The following KL variants were observed in gnomAD, a reference collection of about 807,000 sequenced individuals.
KL encodes klotho, also known as alpha-klotho.
In KL, 62 loss-of-function variants were observed where a neutral mutation model predicts 84.2. The ratio of observed to expected loss-of-function variants is 0.74; its 90% CI spans 0.60 to 0.91. KL has a LOEUF of 0.91. Ranked by LOEUF, KL falls within the 40% of genes least tolerant of loss-of-function variation. KL has a pLI of 0.00. For synonymous variants in KL, 528 were observed against 528.0 expected (o/e 1.00, Z 0.00); for missense variants, 1,261 against 1,305.7 (o/e 0.97, Z 0.53).
chr13:33,025,542 T>C (rs1870742269), intron 1 of KL, among the ~76,000 whole-genome samples: 1 of 152,134 alleles, frequency 6.6e-6, no homozygotes, highest in Non-Finnish European at 1.5e-5. Flanking sequence ...AGTGTGGCCA[T>C]TCCCACCACA....
At position 33,022,569 on chromosome 13, in the gene KL, C is replaced by A. The variant is rs143835049; in HGVS notation, c.819+5310C>A. Among the ~76,000 whole-genome samples the A allele has an allele frequency of 4.1e-3, 630 of 152,280 alleles. 6 individuals carry two copies. Among genetic ancestry groups the A allele is most frequent in the African/African-American group, 0.015 (605 of 41,562 alleles). On this transcript the variant is annotated intron_variant, in intron 1 of 4. Coordinates refer to ENST00000380099, the MANE Select transcript of KL (RefSeq NM_004795.4). The stretch of plus-strand genomic sequence containing the variant: ...ATAAGCAGAATGTGACTTTTATATG[C>A]TCTATTTTGATGTATTCTGAGTATG...
chr13:33,061,665 G>A lies in KL; in HGVS notation c.2586G>A (p.Lys862=), dbSNP rs1872209703. The A allele has an allele frequency of 1.9e-6, 3 of 1,614,060 alleles. No individual in the cohort carries two copies. The highest frequency in any genetic ancestry group is 2.2e-5 in the East Asian group (1 of 44,900). ...AAGTGCTGAACTGGCTGAAGTTCAA[G>A]TACGGAGACCTCCCCATGTACATAA... ...LRKVLNWLKF[K]YGDLPMYIIS... is the part of the protein sequence containing the mutation. Residue 862 remains lysine, a synonymous_variant, in exon 4 of 5, where the codon AAG becomes AAA. Coordinates refer to ENST00000380099, the MANE Select transcript of KL (RefSeq NM_004795.4).
At chr13:33,058,477 G>A (rs1276025215) in intron 3 of KL, among the ~76,000 whole-genome samples, 4 of 151,696 alleles carry the variant, frequency 2.6e-5, no homozygotes, top group South Asian at 2.1e-4. Context: ...AGTAGCTGGG[G>A]CTACAGGTGC....
intron 2 of KL, among the ~76,000 whole-genome samples, chr13:33,054,674 A>T (rs1432364909): frequency 6.6e-6 from 1 of 152,246 alleles, no homozygotes; most frequent in African/African-American, 2.4e-5. Context: ...AGAAAATAGT[A>T]TAAATAGATC....
chr13:33,060,909 G>A lies in KL; in HGVS notation c.1830G>A (p.Gln610=), dbSNP rs188551232. 4 of 1,614,162 alleles carry A rather than the reference G, an allele frequency of 2.5e-6. No individual in the cohort carries two copies. In the African/African-American group the frequency reaches 4.0e-5, roughly 16 times the overall value. Residue 610 remains glutamine, a synonymous_variant, in exon 4 of 5, where the codon CAG becomes CAA. Coordinates refer to ENST00000380099, the MANE Select transcript of KL (RefSeq NM_004795.4). Reference sequence around the variant, plus strand: ...TTCTCCCTCTGGGTAACCAGTCCCAGGTGAACCACACCATCCTGCAGTACT... The same window carrying A: ...TTCTCCCTCTGGGTAACCAGTCCCAAGTGAACCACACCATCCTGCAGTACT... ...ALILPLGNQS[Q]VNHTILQYYR...
In KL at chr13:33,032,261, A is replaced by G. The variant is rs182692511; in HGVS notation, c.819+15002A>G. ...CACTAACCCAGATACATCTGTTCCCATTACTATTTCTGCGTAATTCCCCCA... is the reference window on the plus strand; with the variant it reads ...CACTAACCCAGATACATCTGTTCCCGTTACTATTTCTGCGTAATTCCCCCA... On this transcript the variant is annotated intron_variant, in intron 1 of 4. Transcript: ENST00000380099. Among the ~76,000 whole-genome samples the G allele has an allele frequency of 2.2e-3, 331 of 152,314 alleles. 1 individual carries two copies. The highest frequency in any genetic ancestry group is 7.2e-3 in the African/African-American group (300 of 41,566).
intron 1 of KL, among the ~76,000 whole-genome samples, chr13:33,019,717 G>GTGTGTA (rs1186499623): frequency 8.5e-6 from 1 of 118,006 alleles, no homozygotes; most frequent in Non-Finnish European, 1.8e-5. Flanking sequence ...TGGTGTGTGT[G>GTGTGTA]TGTGTGTGTG....
At chr13:33,036,441 A>G (rs1460827460) in intron 1 of KL, among the ~76,000 whole-genome samples, 2 of 151,568 alleles carry the variant, frequency 1.3e-5, no homozygotes, top group African/African-American at 4.8e-5. Context: ...ACACACAGAC[A>G]TACACACATG....
At chr13:33,036,820 T>G (rs1871159647) in intron 1 of KL, among the ~76,000 whole-genome samples, 1 of 152,188 alleles carries the variant, frequency 6.6e-6, no homozygotes, top group Admixed American at 6.6e-5. Context: ...GAGTAAATTT[T>G]AAGTTGTGTA....
At chr13:33,063,526 A>G (rs1354031337) in intron 4 of KL, among the ~76,000 whole-genome samples, 1 of 152,078 alleles carries the variant, frequency 6.6e-6, no homozygotes, top group African/African-American at 2.4e-5. Flanking sequence ...TAATCCCAGC[A>G]CTTTGGGAGG....
At chr13:33,062,446 G>A (rs1287114966) in intron 4 of KL, among the ~76,000 whole-genome samples, 4 of 151,328 alleles carry the variant, frequency 2.6e-5, no homozygotes. Flanking sequence ...GCTGAGGCAG[G>A]TGGATCATCT....
At chr13:33,062,921 G>T (rs1175296495) in intron 4 of KL, among the ~76,000 whole-genome samples, 2 of 152,090 alleles carry the variant, frequency 1.3e-5, no homozygotes, top group Admixed American at 6.5e-5. Flanking sequence ...TAGGGAATGG[G>T]TGGTCTAAGG....
chr13:33,020,636 C>T (rs905745234), intron 1 of KL, among the ~76,000 whole-genome samples: 66 of 152,130 alleles, frequency 4.3e-4, no homozygotes, highest in African/African-American at 1.6e-3. Flanking sequence ...TAACTACTCC[C>T]CTTTTTCATG....
At chr13:33,037,648 T>C (rs907852446) in intron 1 of KL, among the ~76,000 whole-genome samples, 2 of 152,204 alleles carry the variant, frequency 1.3e-5, no homozygotes, top group African/African-American at 2.4e-5. Flanking sequence ...GCTTTATCCA[T>C]GTGACTTACT....
At chr13:33,054,908 A>C (rs1418586926) in intron 2 of KL, 139 bp from the exon 3 acceptor site, 1 of 1,116,054 alleles carries the variant, frequency 9.0e-7, no homozygotes, top group Non-Finnish European at 1.3e-6. Flanking sequence ...TCTTTCGTCA[A>C]GAAGAAAAAT....
intron 1 of KL, among the ~76,000 whole-genome samples, chr13:33,021,605 G>A (rs755668634): frequency 5.6e-4 from 85 of 152,260 alleles, no homozygotes; most frequent in African/African-American, 1.8e-3. Context: ...ATTTGGGGCC[G>A]GGCGCAGTGG....
At chr13:33,054,400 CAATA>C (rs1305969969) in intron 2 of KL, 123 bp downstream of exon 2, 1 of 1,066,094 alleles carries the variant, frequency 9.4e-7, no homozygotes, top group African/African-American at 1.6e-5. Context: ...TTCATTTTGG[CAATA>C]GTAGAATGCA....
intron 1 of KL, among the ~76,000 whole-genome samples, chr13:33,026,196 T>C (rs551873462): frequency 1.7e-3 from 258 of 152,310 alleles, no homozygotes; most frequent in African/African-American, 5.7e-3. Flanking sequence ...TCCCTGCCAG[T>C]GCCTTTTCCC....
Position 33,016,484 on chromosome 13 carries a change from C to T in KL, c.44C>T (p.Pro15Leu), listed in dbSNP as rs1052018. 1 of 1,162,638 alleles carries T rather than the reference C, an allele frequency of 8.6e-7. No individual in the cohort carries two copies. 72.0% of individuals were successfully genotyped at this position (1,162,638 alleles called of 1,614,324 possible). The change falls in exon 1 of 5, where the codon CCG (proline) becomes CTG (leucine). Residue 15 changes from proline (P) to leucine (L), a missense_variant. Transcript: ENST00000380099. ...CCGCGCCGCCCGCGGCCGCCGCCGC[C>T]GTCGCTGTCGCTGCTGCTGGTGCTG... is the stretch of plus-strand genomic sequence containing the variant. ...APPRRPRPPP[P>L]SLSLLLVLLG...
Sources: gnomAD v4.1 joint callset for allele counts (sites outside exome capture counted in the v4.1 genomes callset) on GRCh38, gnomAD v4.1.1 for gene constraint, MANE v1.5 for transcripts, NCBI Gene and HGNC (gene_info 2026-07-23, HGNC 2026-07-21) for gene names.